The following FBXO8 variants were observed in gnomAD, a reference collection of about 807,000 sequenced individuals.
FBXO8 encodes F-box only protein 8.
Under a neutral mutation model 33.4 loss-of-function variants are expected in FBXO8, and 15 were observed. That is an observed-to-expected ratio of 0.45 (90% CI 0.30 to 0.69). FBXO8 has a LOEUF of 0.69. Among genes scored for constraint, FBXO8 ranks in the 30% least tolerant of loss-of-function variants. FBXO8 has a pLI of 0.08. For synonymous variants in FBXO8, 132 were observed against 131.5 expected, an observed-to-expected ratio of 1.00 and a Z score of -0.02; for missense variants, 274 against 380.3, an observed-to-expected ratio of 0.72 and a Z score of 2.32.
chr4:174,264,288 G>C (rs1411592133), intron 1 of FBXO8, among the ~76,000 whole-genome samples: 3 of 152,044 alleles, frequency 2.0e-5, no homozygotes, highest in African/African-American at 7.2e-5. Flanking sequence ...ACAGTGACTA[G>C]ATATCTTTTA....
intron 3 of FBXO8, among the ~76,000 whole-genome samples, chr4:174,258,018 A>G (rs1455285835): frequency 6.6e-6 from 1 of 152,134 alleles, no homozygotes; most frequent in Non-Finnish European, 1.5e-5. Context: ...ATGAGCCACT[A>G]TGCCTGGCCT....
In FBXO8 at chr4:174,238,997, G is replaced by T; in HGVS notation, c.769C>A (p.Pro257Thr). Residue 257 changes from proline (P) to threonine (T), a missense_variant, in exon 5 of 6, where the codon CCT becomes ACT. Pro to Thr is a conservative substitution (Grantham distance 38). Around this residue, in one of 2 missense-constraint regions of FBXO8, gnomAD observed 186 missense variants for 293.4 expected, o/e 0.63. Coordinates refer to ENST00000393674, the MANE Select transcript of FBXO8 (RefSeq NM_012180.3). The part of the protein sequence containing the change: ...PDLMRELGLS[P>T]DAVYVLCYSL... Reference sequence around the variant, plus strand: ...CTATTAATATATATATTCTTACCAGGACTAAGGCCAAGTTCTCGCATTAAA... The same window carrying T: ...CTATTAATATATATATTCTTACCAGTACTAAGGCCAAGTTCTCGCATTAAA... The T allele has an allele frequency of 2.6e-6, 4 of 1,559,052 alleles. No individual in the cohort carries two copies. Among genetic ancestry groups the T allele is most frequent in the Non-Finnish European group, 3.5e-6 (4 of 1,150,276 alleles).
rs1449012802 is a variant in FBXO8, at chr4:174,263,158, A to G, written c.-8-58T>C. 1 of 1,459,790 alleles carries G rather than the reference A, an allele frequency of 6.9e-7. No individual in the cohort carries two copies. The allele number at this position is 1,459,790 out of a possible 1,614,324, so 90.4% of individuals were successfully genotyped here. A position where few individuals can be genotyped will look rare whatever the true frequency, so the allele number is the denominator to read the frequency against. On this transcript the variant is annotated intron_variant, in intron 1 of 5. Transcript: ENST00000393674. This position sits in a 1 kb window ranked among gnomAD's most constrained non-coding sequence, Gnocchi z 4.2. ...ATTTAAAAAGTAACCCATTTTTCCC[A>G]GTGGTATAACAAATCTGACATGAAG... is the stretch of plus-strand genomic sequence containing the variant.
Position 174,259,761 on chromosome 4 carries a change from A to G in FBXO8, c.394T>C (p.Phe132Leu). The change falls in exon 3 of 6, where the codon TTT (phenylalanine) becomes CTT (leucine). Residue 132 changes from phenylalanine (F) to leucine (L), a missense_variant. By Grantham distance (22) the Phe-to-Leu change is conservative (BLOSUM62 0). Transcript: ENST00000393674. The surrounding 1 kb of genome is among the most constrained non-coding windows in gnomAD (Gnocchi z 4.3). ...YNKNPPLGFS[F>L]RKLYMQLDEG... ...TCCAGCTGCATATACAATTTTCTAAAAGAAAATCCTAAAGGTGGGTTCTTA... is the reference window on the plus strand; with the variant it reads ...TCCAGCTGCATATACAATTTTCTAAGAGAAAATCCTAAAGGTGGGTTCTTA... The G allele has an allele frequency of 1.2e-6, 2 of 1,612,358 alleles. No homozygotes were observed. The highest frequency in any genetic ancestry group is 8.5e-7 in the Non-Finnish European group (1 of 1,178,986).
intron 1 of FBXO8, among the ~76,000 whole-genome samples, chr4:174,266,264 A>AATC (rs570828930): frequency 6.6e-6 from 1 of 152,096 alleles, no homozygotes; most frequent in Non-Finnish European, 1.5e-5. Context: ...TAATAATAAT[A>AATC]ATGGGGAGGT....
intron 4 of FBXO8, among the ~76,000 whole-genome samples, chr4:174,239,963 C>T (rs897898448): frequency 2.0e-5 from 3 of 151,482 alleles, no homozygotes; most frequent in South Asian, 2.1e-4. Context: ...CAGGAACAGG[C>T]GAACTACAGC....
chr4:174,268,926 C>T (rs1414932876), intron 1 of FBXO8: 1 of 152,166 alleles, frequency 6.6e-6, no homozygotes, highest in Non-Finnish European at 1.5e-5. Flanking sequence ...TTGCTAAAGG[C>T]GGCAGAAGCA....
intron 3 of FBXO8, among the ~76,000 whole-genome samples, chr4:174,258,337 C>T (rs1736464847): frequency 6.6e-6 from 1 of 152,050 alleles, no homozygotes; most frequent in South Asian, 2.1e-4. Context: ...GGCACAATAA[C>T]AACATTTAAA....
intron 3 of FBXO8, among the ~76,000 whole-genome samples, chr4:174,250,185 G>A (rs947656253): frequency 6.6e-6 from 1 of 151,968 alleles, no homozygotes; most frequent in African/African-American, 2.4e-5. Context: ...GAAGCACAGA[G>A]GTTAAATAAC....
In FBXO8 at chr4:174,262,761, T is replaced by C. The variant is rs915602618; in HGVS notation, c.329+3A>G. 1.9e-6 allele frequency: 3 copies of C among 1,612,482 alleles called. No homozygotes were observed. Among genetic ancestry groups the C allele is most frequent in the Non-Finnish European group, 2.5e-6 (3 of 1,178,726 alleles). On this transcript the variant is annotated splice_donor_region_variant and intron_variant, in intron 2 of 5. Transcript: ENST00000393674. This position sits in a 1 kb window ranked among gnomAD's most constrained non-coding sequence, Gnocchi z 4.6. ...GAATTCAACTTTGGTGGGTTTAACT[T>C]ACCCTTGCCAGAGAAGTTCATCATT... is the stretch of plus-strand genomic sequence containing the variant.
chr4:174,250,359 A>G (rs1736258420), intron 3 of FBXO8, among the ~76,000 whole-genome samples: 1 of 152,064 alleles, frequency 6.6e-6, no homozygotes, highest in Admixed American at 6.6e-5. Context: ...AAATACAAAA[A>G]CAACCCCCTT....
intron 4 of FBXO8, among the ~76,000 whole-genome samples, chr4:174,240,192 C>T (rs1032853177): frequency 5.3e-5 from 8 of 150,558 alleles, no homozygotes; most frequent in African/African-American, 1.9e-4. Context: ...AAAACCCCTG[C>T]CTATCCCTAG....
chr4:174,249,036 A>C (rs1736228112), intron 3 of FBXO8, among the ~76,000 whole-genome samples: 1 of 151,996 alleles, frequency 6.6e-6, no homozygotes, highest in Non-Finnish European at 1.5e-5. Context: ...CATGAACCTA[A>C]TTTTCTAAAG....
chr4:174,248,399 A>G (rs1156634660), intron 3 of FBXO8, among the ~76,000 whole-genome samples: 1 of 152,090 alleles, frequency 6.6e-6, no homozygotes, highest in Non-Finnish European at 1.5e-5. Context: ...TGAGGAACCC[A>G]TAACTAGGCT....
Position 174,237,343 on chromosome 4 carries a change from C to G in FBXO8, c.*69G>C. On this transcript the variant is annotated 3_prime_UTR_variant, in exon 6 of 6. Transcript: ENST00000393674. The surrounding 1 kb of genome is among the most constrained non-coding windows in gnomAD (Gnocchi z 4.4). Reference sequence around the variant, plus strand: ...TACAATGACCAGCACTGATGTAACCCCCATATCTGCTAAGTCCTTGGGTAG... The same window carrying G: ...TACAATGACCAGCACTGATGTAACCGCCATATCTGCTAAGTCCTTGGGTAG... 7.5e-7 allele frequency: 1 copy of G among 1,339,780 alleles called. No individual in the cohort carries two copies. The highest frequency in any genetic ancestry group is 1.3e-5 in the South Asian group (1 of 74,608). 83.0% of individuals were successfully genotyped at this position (1,339,780 alleles called of 1,614,324 possible).
intron 1 of FBXO8, among the ~76,000 whole-genome samples, chr4:174,268,457 G>T (rs749698411): frequency 6.6e-6 from 1 of 152,044 alleles, no homozygotes; most frequent in Admixed American, 6.6e-5. Context: ...TTTTGAGATG[G>T]AGTCTCGCTG....
At chr4:174,249,949 T>C (rs1736249484) in intron 3 of FBXO8, among the ~76,000 whole-genome samples, 1 of 151,984 alleles carries the variant, frequency 6.6e-6, no homozygotes, top group South Asian at 2.1e-4. Flanking sequence ...TGTCATATAG[T>C]TATCTACTAG....
At position 174,262,772 on chromosome 4, in the gene FBXO8, G is replaced by A; in HGVS notation, c.321C>T (p.Leu107=). The A allele has an allele frequency of 6.2e-7, 1 of 1,613,162 alleles. No individual in the cohort carries two copies. Among genetic ancestry groups the A allele is most frequent in the South Asian group, 1.1e-5 (1 of 91,056 alleles). ...TGGTGGGTTTAACTTACCCTTGCCAGAGAAGTTCATCATTCGCAAGGTCCT... is the reference window on the plus strand; with the variant it reads ...TGGTGGGTTTAACTTACCCTTGCCAAAGAAGTTCATCATTCGCAAGGTCCT... ...VWQDLANDEL[L]WQGLCKSTWG... The change falls in exon 2 of 6, where the codon CTC becomes CTT. Residue 107 remains leucine, a synonymous_variant. Transcript: ENST00000393674. The surrounding 1 kb of genome is among the most constrained non-coding windows in gnomAD (Gnocchi z 4.6).
Position 174,255,394 on chromosome 4 carries a change from G to C in FBXO8, c.456+4305C>G, listed in dbSNP as rs146925298. On this transcript the variant is annotated intron_variant, in intron 3 of 5. Coordinates refer to ENST00000393674, the MANE Select transcript of FBXO8 (RefSeq NM_012180.3). The surrounding 1 kb of genome is among the most constrained non-coding windows in gnomAD (Gnocchi z 4.3). ...TATAATGGAGAACTACAAATTTCCT[G>C]TTTATACTTTAGCTGGTCCAATAAC... 3.5e-3 allele frequency among the ~76,000 whole-genome samples: 538 copies of C among 152,154 alleles called. 2 individuals carry two copies. Among genetic ancestry groups the C allele is most frequent in the Middle Eastern group, 0.014 (4 of 294 alleles).
Sources: gnomAD v4.1 joint callset for allele counts (sites outside exome capture counted in the v4.1 genomes callset) on GRCh38, gnomAD v4.1.1 for gene constraint, gnomAD v4.1.1 regional missense constraint, Gnocchi (gnomAD v3.1) non-coding constraint, MANE v1.5 for transcripts, NCBI Gene and HGNC (gene_info 2026-07-23, HGNC 2026-07-21) for gene names.